Variants in GOLGA8A observed in about 807,000 individuals in gnomAD.
The protein encoded by GOLGA8A is golgin subfamily A member 8A.
GOLGA8A carries 3 observed loss-of-function variants against 22.1 expected under a neutral mutation model. The ratio of observed to expected loss-of-function variants is 0.14; its 90% confidence interval spans 0.06 to 0.35. The LOEUF is 0.35. Among genes scored for constraint, GOLGA8A ranks in the 10% least tolerant of loss-of-function variants. The pLI is 1.00. For missense variants in GOLGA8A, 16 were observed against 233.2 expected, an observed-to-expected ratio of 0.07 and a Z score of 6.07; for synonymous variants, 7 against 91.7, an observed-to-expected ratio of 0.08 and a Z score of 5.28.
At chr15:34,437,187 G>A (rs1045781630) in intron 1 of GOLGA8A, among the ~76,000 whole-genome samples, 17 of 147,356 alleles carry the variant, frequency 1.2e-4, no homozygotes, top group African/African-American at 3.0e-4. Flanking sequence ...AGGAGGATGG[G>A]CCGGTCCGAG....
chr15:34,397,534 T>G (rs1401228726), intron 8 of GOLGA8A, among the ~76,000 whole-genome samples: 2 of 148,074 alleles, frequency 1.4e-5, no homozygotes, highest in African/African-American at 2.4e-5. Flanking sequence ...TCAAATATAT[T>G]GGGTTCACTA....
intron 2 of GOLGA8A, among the ~76,000 whole-genome samples, chr15:34,425,563 G>A (rs1464668696): frequency 2.1e-5 from 3 of 144,926 alleles, no homozygotes; most frequent in Non-Finnish European, 4.6e-5. Context: ...ACAAAATTCA[G>A]GAGTAATTAA....
At position 34,381,387 on chromosome 15, in the gene GOLGA8A, G is replaced by C. The variant is rs368554203; in HGVS notation, c.*24C>G. ...TGTTTCGTTTTTAAAAATTTCTTGA[G>C]CAGCTCTTTGATGATGGTGGTGTTT... On this transcript the variant is annotated 3_prime_UTR_variant, in exon 25 of 25. Coordinates refer to ENST00000359187, the MANE Select transcript of GOLGA8A (RefSeq NM_181077.5). 0.12 allele frequency: 180,768 copies of C among 1,570,294 alleles called. 6,091 individuals carry two copies. Among genetic ancestry groups the C allele is most frequent in the Non-Finnish European group, 0.13 (147,643 of 1,143,900 alleles).
intron 2 of GOLGA8A, among the ~76,000 whole-genome samples, chr15:34,422,698 C>CGCGCTCGT (rs1353483897): frequency 3.4e-5 from 3 of 87,736 alleles, no homozygotes; most frequent in African/African-American, 9.0e-5. Context: ...TGTGTACGCT[C>CGCGCTCGT]GCGCTCGTGC....
Position 34,434,655 on chromosome 15 carries a change from G to A in GOLGA8A, c.-1123+728C>T, listed in dbSNP as rs72722589. On this transcript the variant is annotated intron_variant, in intron 2 of 24. Coordinates refer to ENST00000359187, the MANE Select transcript of GOLGA8A (RefSeq NM_181077.5). Reference sequence around the variant, plus strand: ...GAGCCAGAGAAGTCTCCCTGTGGGCGCTCGGGCCAACCACCACCCAAGGGA... The same window carrying A: ...GAGCCAGAGAAGTCTCCCTGTGGGCACTCGGGCCAACCACCACCCAAGGGA... Among the ~76,000 whole-genome samples, 6 of 149,056 alleles carry A rather than the reference G, an allele frequency of 4.0e-5. 1 individual carries two copies. Among genetic ancestry groups the A allele is most frequent in the Admixed American group, 3.4e-4 (5 of 14,804 alleles).
chr15:34,436,024 G>A (rs1893491727), intron 1 of GOLGA8A, among the ~76,000 whole-genome samples: 1 of 149,048 alleles, frequency 6.7e-6, no homozygotes, highest in African/African-American at 2.5e-5. Context: ...CGGTCACCCA[G>A]GAATCAGCGC....
intron 2 of GOLGA8A, among the ~76,000 whole-genome samples, chr15:34,433,541 C>G (rs1394440582): frequency 1.3e-5 from 2 of 149,380 alleles, no homozygotes; most frequent in East Asian, 2.0e-4. Flanking sequence ...GAAGCTCTTT[C>G]TTGACTGCCC....
intron 2 of GOLGA8A, among the ~76,000 whole-genome samples, chr15:34,420,531 G>A (rs950565794): frequency 1.4e-5 from 2 of 142,576 alleles, no homozygotes; most frequent in African/African-American, 2.6e-5. Flanking sequence ...CAGTGAGGAT[G>A]GAGGTGTCAC....
At position 34,381,152 on chromosome 15, in the gene GOLGA8A, T is replaced by A; in HGVS notation, c.*259A>T. On this transcript the variant is annotated 3_prime_UTR_variant, in exon 25 of 25. Coordinates refer to ENST00000359187, the MANE Select transcript of GOLGA8A (RefSeq NM_181077.5). ...TCCCACCACGTAAGGGCAAACTCGA[T>A]ATGCATGCTAATGACCTACAATTAT... The A allele has an allele frequency of 3.5e-6, 2 of 563,950 alleles. No homozygotes were observed. The highest frequency in any genetic ancestry group is 4.1e-5 in the South Asian group (2 of 49,208). The allele number at this position is 563,950 out of a possible 1,614,324, so 34.9% of individuals were successfully genotyped here. A position where few individuals can be genotyped will look rare whatever the true frequency, so the allele number is the denominator to read the frequency against.
chr15:34,427,974 T>C (rs2644230), intron 2 of GOLGA8A, among the ~76,000 whole-genome samples: 9 of 148,922 alleles, frequency 6.0e-5, no homozygotes, highest in Non-Finnish European at 8.9e-5. Context: ...TGACATGAAC[T>C]ACAGCATAAT....
chr15:34,417,856 C>G (rs1469360263), intron 2 of GOLGA8A: 5 of 144,770 alleles, frequency 3.5e-5, no homozygotes, highest in Admixed American at 2.2e-4. Flanking sequence ...TGGAAATAAT[C>G]TGGAGACATT....
chr15:34,418,130 T>TTAAAAAA (rs756695001), intron 2 of GOLGA8A: 5 of 62,770 alleles, frequency 8.0e-5, no homozygotes, highest in East Asian at 4.1e-4. Flanking sequence ...GTAGATTCTT[T>TTAAAAAA]AAAAAAAAAA....
At chr15:34,400,644 G>A (rs1391996159) in intron 6 of GOLGA8A, 68 bp downstream of exon 6, 10 of 143,544 alleles carry the variant, frequency 7.0e-5, no homozygotes, top group South Asian at 2.2e-4. Context: ...TTAGGCCTGC[G>A]TGCTTTATTC....
At chr15:34,409,404 GTTT>G in intron 2 of GOLGA8A, among the ~76,000 whole-genome samples, 1 of 125,424 alleles carries the variant, frequency 8.0e-6, no homozygotes, top group East Asian at 2.3e-4. Flanking sequence ...GTTGTTTCCA[GTTT>G]TTTAAGAGAT....
At chr15:34,417,717 T>C (rs1459965680) in intron 2 of GOLGA8A, 1 of 147,318 alleles carries the variant, frequency 6.8e-6, no homozygotes, top group Non-Finnish European at 1.5e-5. Flanking sequence ...AGGCTCTTAT[T>C]TCATTTCCGT....
chr15:34,424,738 A>G (rs7170992), intron 2 of GOLGA8A, among the ~76,000 whole-genome samples: 5,871 of 130,262 alleles, frequency 0.045, 521 homozygotes, highest in African/African-American at 0.17. Flanking sequence ...AACCCCCACC[A>G]TAAAACCCAC....
At chr15:34,435,223 C>T (rs1353750887) in intron 2 of GOLGA8A, among the ~76,000 whole-genome samples, 160 bp downstream of exon 2, 1 of 149,294 alleles carries the variant, frequency 6.7e-6, no homozygotes, top group African/African-American at 2.5e-5. Context: ...ACAGCCCTCA[C>T]TGCAGCCACC....
chr15:34,426,138 G>T (rs1050394347), intron 2 of GOLGA8A, among the ~76,000 whole-genome samples: 1 of 149,128 alleles, frequency 6.7e-6, no homozygotes, highest in African/African-American at 2.5e-5. Flanking sequence ...GCAGATGCAA[G>T]GGTTTAATGT....
rs1893085640 is a variant in GOLGA8A at position 34,428,569 on chromosome 15, T to G, written c.-1123+6814A>C. 2 of 148,554 alleles carry G rather than the reference T, an allele frequency of 1.3e-5. 1 individual carries two copies. The highest frequency in any genetic ancestry group is 5.0e-5 in the African/African-American group (2 of 40,292). The allele number at this position is 148,554 out of a possible 1,614,324, so 9.2% of individuals were successfully genotyped here. On this transcript the variant is annotated intron_variant, in intron 2 of 24. Transcript: ENST00000359187. ...GTCCCCCACCTCCACACCATGCTAG[T>G]GAGAAAAACAGACTGCCTGCAGCTC...
Sources: allele counts gnomAD v4.1 joint callset (sites outside exome capture counted in the v4.1 genomes callset), GRCh38; gene constraint gnomAD v4.1.1; transcripts MANE v1.5; gene names NCBI Gene and HGNC (gene_info 2026-07-23, HGNC 2026-07-21).